The following SULF1 variants were observed in gnomAD, a reference collection of about 807,000 sequenced individuals.
The protein encoded by SULF1 is extracellular sulfatase Sulf-1.
A neutral mutation model predicts 110.5 loss-of-function variants in SULF1; 46 were observed. The observed-to-expected ratio is 0.42, with a 90% CI of 0.33 to 0.53. SULF1 has a LOEUF of 0.53. SULF1 is among the 20% of genes least tolerant of loss of function. The pLI is 0.12. For missense variants in SULF1, 941 were observed against 1,094.2 expected (o/e 0.86, Z 1.98); for synonymous variants, 371 against 387.1 (o/e 0.96, Z 0.49).
intron 22 of SULF1, among the ~76,000 whole-genome samples, chr8:69,642,614 G>C (rs1811567644): frequency 6.6e-6 from 1 of 152,164 alleles, no homozygotes; most frequent in South Asian, 2.1e-4. Context: ...CATTTTCAAA[G>C]TGTAATATTA....
intron 6 of SULF1, among the ~76,000 whole-genome samples, chr8:69,583,722 C>T (rs1038018671): frequency 2.0e-5 from 3 of 152,048 alleles, no homozygotes; most frequent in Non-Finnish European, 4.4e-5. Flanking sequence ...TGGAGAGTGC[C>T]TCAGAGATAA....
At chr8:69,593,404 C>T (rs182222346) in intron 8 of SULF1, among the ~76,000 whole-genome samples, 16 of 152,340 alleles carry the variant, frequency 1.1e-4, no homozygotes, top group Non-Finnish European at 2.1e-4. Context: ...ACCATAGGTT[C>T]TCCCCAATTG....
At position 69,554,991 on chromosome 8, in the gene SULF1, AAAAAAAAC is replaced by A. The variant is rs1238137924; in HGVS notation, c.-133-8540_-133-8533del. Among the ~76,000 whole-genome samples the A allele has an allele frequency of 4.7e-4, 41 of 87,548 alleles. 1 individual carries two copies. Among genetic ancestry groups the A allele is most frequent in the African/African-American group, 6.2e-4 (11 of 17,794 alleles). The allele number at this position is 87,548 out of a possible 152,430, so 57.4% of individuals were successfully genotyped here. On this transcript the variant is annotated intron_variant, in intron 3 of 22. Transcript: ENST00000402687. ...GAGATTCCATCTCAAAAAAAAAAAA[AAAAAAAAC>A]AAAAAAAAAAAACTTCATACATAAA... is the stretch of plus-strand genomic sequence containing the variant.
At chr8:69,558,077 G>A (rs746986675) in intron 3 of SULF1, among the ~76,000 whole-genome samples, 3 of 152,246 alleles carry the variant, frequency 2.0e-5, no homozygotes, top group African/African-American at 4.8e-5. Flanking sequence ...TAGCTTTTTC[G>A]TGGATTCATG....
upstream of SULF1, among the ~76,000 whole-genome samples, chr8:69,491,645 T>A (rs565429858): frequency 3.3e-5 from 5 of 152,368 alleles, no homozygotes; most frequent in East Asian, 9.6e-4. Context: ...ACCTATTGCA[T>A]ATATCCGACA....
chr8:69,549,938 G>T (rs1231076723), intron 3 of SULF1, among the ~76,000 whole-genome samples: 1 of 151,912 alleles, frequency 6.6e-6, no homozygotes, highest in Non-Finnish European at 1.5e-5. Context: ...AGTTCTGAGG[G>T]TTCCCCTTCT....
intron 3 of SULF1, among the ~76,000 whole-genome samples, chr8:69,514,663 C>A (rs575421135): frequency 2.0e-5 from 3 of 152,342 alleles, no homozygotes; most frequent in Non-Finnish European, 2.9e-5. Flanking sequence ...AAAGTCTCAT[C>A]TGAGACAAGG....
At chr8:69,544,670 A>G (rs2150676838) in intron 3 of SULF1, among the ~76,000 whole-genome samples, 1 of 152,368 alleles carries the variant, frequency 6.6e-6, no homozygotes, top group East Asian at 1.9e-4. Context: ...AACTGAAAAT[A>G]AAAGTCCTAT....
intron 7 of SULF1, 97 bp from the exon 8 acceptor site, chr8:69,588,875 G>C: frequency 8.0e-7 from 1 of 1,248,604 alleles, no homozygotes; most frequent in Non-Finnish European, 1.1e-6. Context: ...TTGCCACTTC[G>C]TGCAGTGAAT....
At chr8:69,594,147 G>A (rs1206650063) in intron 8 of SULF1, among the ~76,000 whole-genome samples, 3 of 152,096 alleles carry the variant, frequency 2.0e-5, no homozygotes, top group Non-Finnish European at 4.4e-5. Flanking sequence ...TGCCTCCCAG[G>A]TTCAAACCAT....
chr8:69,618,774 A>G (rs1395140297), intron 13 of SULF1, among the ~76,000 whole-genome samples: 3 of 152,224 alleles, frequency 2.0e-5, no homozygotes, highest in Non-Finnish European at 2.9e-5. Flanking sequence ...GGATTTGGGG[A>G]TTATATAGTA....
In SULF1 at chr8:69,621,096, G is replaced by T; in HGVS notation, c.1439G>T (p.Ser480Ile). Residue 480 changes from serine to isoleucine, a missense_variant, in exon 14 of 23, where the codon AGT becomes ATT. Ser to Ile is a moderately radical substitution (Grantham distance 142). This residue lies in a region of SULF1 where 822 missense variants were observed against 934.3 expected (regional missense o/e 0.88). Transcript: ENST00000402687. ...KLRIHKCKGP[S>I]DLLTVRQSTR... The stretch of plus-strand genomic sequence containing the variant: ...CGAATTCACAAGTGTAAAGGACCCA[G>T]TGACCTGCTCACAGTCCGGCAGAGC... 1 of 1,614,116 alleles carries T rather than the reference G, an allele frequency of 6.2e-7. No individual in the cohort carries two copies. The highest frequency in any genetic ancestry group is 8.5e-7 in the Non-Finnish European group (1 of 1,179,952).
rs150774485 is a variant in SULF1, at chr8:69,476,299, G to C, written c.-391+9349G>C. Among the ~76,000 whole-genome samples, 7 of 152,094 alleles carry C rather than the reference G, an allele frequency of 4.6e-5. No individual in the cohort carries two copies. The East Asian group carries it at 1.4e-3, about 29-fold the overall frequency. ...CCTGCTTTTCTTTCTATCCCCTTTT[G>C]TTTTGTCCTTTTTTGTTTTATTTGT... On this transcript the variant is annotated intron_variant, in intron 1 of 22. Transcript: ENST00000260128.
intron 13 of SULF1, among the ~76,000 whole-genome samples, chr8:69,618,589 G>A (rs1052369879): frequency 2.6e-5 from 4 of 152,106 alleles, no homozygotes; most frequent in East Asian, 1.9e-4. Context: ...CTCGTTAGTC[G>A]CCTGTCTGTC....
chr8:69,599,075 G>A (rs1339272438), intron 8 of SULF1, among the ~76,000 whole-genome samples: 1 of 152,158 alleles, frequency 6.6e-6, no homozygotes, highest in Non-Finnish European at 1.5e-5. Flanking sequence ...GGGTATCACC[G>A]TGAATCTCAG....
At chr8:69,514,213 A>G (rs1480666240) in intron 3 of SULF1, among the ~76,000 whole-genome samples, 1 of 152,220 alleles carries the variant, frequency 6.6e-6, no homozygotes, top group Non-Finnish European at 1.5e-5. Flanking sequence ...TAAAGAAAAG[A>G]GGTTTAATTG....
At chr8:69,513,463 T>G (rs1811713364) in intron 3 of SULF1, among the ~76,000 whole-genome samples, 1 of 152,248 alleles carries the variant, frequency 6.6e-6, no homozygotes. Context: ...CAAAGCTCTT[T>G]GCCATACACC....
chr8:69,573,198 G>C (rs1437316908), intron 5 of SULF1, among the ~76,000 whole-genome samples: 3 of 152,188 alleles, frequency 2.0e-5, no homozygotes, highest in African/African-American at 4.8e-5. Flanking sequence ...ATCCACTGTT[G>C]TCTTGGTTCC....
At chr8:69,527,862 T>C (rs1812805284) in intron 3 of SULF1, among the ~76,000 whole-genome samples, 1 of 152,124 alleles carries the variant, frequency 6.6e-6, no homozygotes, top group African/African-American at 2.4e-5. Context: ...AATTCCTATG[T>C]GTTTCACTGG....
Sources: gnomAD v4.1 joint callset for allele counts (sites outside exome capture counted in the v4.1 genomes callset) on GRCh38, gnomAD v4.1.1 for gene constraint, gnomAD v4.1.1 regional missense constraint, MANE v1.5 for transcripts, NCBI Gene and HGNC (gene_info 2026-07-23, HGNC 2026-07-21) for gene names.